The following GRAMD2B variants were observed in gnomAD, a reference collection of about 807,000 sequenced individuals.
The protein encoded by GRAMD2B is GRAM domain-containing protein 2B.
Under a neutral mutation model 59.2 loss-of-function variants are expected in GRAMD2B, and 41 were observed. The ratio of observed to expected loss-of-function variants is 0.69; its 90% CI spans 0.54 to 0.90. The LOEUF (loss-of-function observed/expected upper bound fraction) is 0.90. Among genes scored for constraint, GRAMD2B ranks in the 40% least tolerant of loss-of-function variants. The probability of loss-of-function intolerance (pLI) is 0.00; values close to 1 mark genes in which losing one functional copy is unlikely to be tolerated. For missense variants in GRAMD2B, 424 were observed against 500.5 expected (o/e 0.85, Z 1.46); for synonymous variants, 161 against 182.7 (o/e 0.88, Z 0.96).
At chr5:126,420,348 C>T (rs1223859570), upstream of GRAMD2B, among the ~76,000 whole-genome samples, 2 of 152,066 alleles carry the variant, frequency 1.3e-5, no homozygotes, top group Non-Finnish European at 2.9e-5. Context: ...GTAGAATAGC[C>T]CCAAGAATAA....
chr5:126,482,338 T>G (rs1772033968), intron 8 of GRAMD2B, among the ~76,000 whole-genome samples: 1 of 152,226 alleles, frequency 6.6e-6, no homozygotes, highest in African/African-American at 2.4e-5. Context: ...CTGAATTTTA[T>G]CTCAATTTCT....
intron 13 of GRAMD2B, among the ~76,000 whole-genome samples, chr5:126,489,127 C>T (rs4836266): frequency 0.71 from 108,560 of 152,126 alleles, 39,170 homozygotes; most frequent in East Asian, 0.98. Context: ...GTCTTTTGTT[C>T]TTCCTCCTTG....
chr5:126,397,257 C>T (rs547798589), intron 1 of GRAMD2B, among the ~76,000 whole-genome samples: 2 of 152,200 alleles, frequency 1.3e-5, no homozygotes, highest in East Asian at 1.9e-4. Flanking sequence ...CAGAGTCTGG[C>T]TCTGTCATCC....
rs546741487 is a variant in GRAMD2B, at chr5:126,451,794, G to C, written c.84-13632G>C. ...GGCGGGACCTGGTAGAAGATGATTG[G>C]ATCGCAGCAGTGGATCCTTCACAAA... On this transcript the variant is annotated intron_variant, in intron 1 of 13. Transcript: ENST00000285689. Among the ~76,000 whole-genome samples, 19 of 152,302 alleles carry C rather than the reference G, an allele frequency of 1.2e-4. No individual in the cohort carries two copies. The East Asian group carries it at 2.1e-3, about 17-fold the overall frequency.
At chr5:126,474,892 T>C (rs1770290334) in intron 5 of GRAMD2B, among the ~76,000 whole-genome samples, 1 of 152,224 alleles carries the variant, frequency 6.6e-6, no homozygotes, top group Non-Finnish European at 1.5e-5. Context: ...TAGCAGGCCA[T>C]GGGAATAAGA....
intron 1 of GRAMD2B, among the ~76,000 whole-genome samples, chr5:126,451,202 A>T (rs1400708193): frequency 7.9e-5 from 12 of 152,350 alleles, no homozygotes; most frequent in Admixed American, 5.2e-4. Flanking sequence ...TGAGCTCCAT[A>T]ACTTGATCTT....
chr5:126,439,328 C>CTTTT lies in GRAMD2B; in HGVS notation c.83+15653_83+15656dup, dbSNP rs930960414. 2.1e-3 allele frequency among the ~76,000 whole-genome samples: 253 copies of CTTTT among 122,540 alleles called. 15 individuals carry two copies. The highest frequency in any genetic ancestry group is 7.0e-3 in the African/African-American group (206 of 29,256). 80.4% of individuals were successfully genotyped at this position (122,540 alleles called of 152,430 possible). ...ATTGTTTCTTTGTTTTTTGGTTTTGCTTTTTTTTTTTTTTTTTGGAGACAG... is the reference window on the plus strand; with the variant it reads ...ATTGTTTCTTTGTTTTTTGGTTTTGCTTTTTTTTTTTTTTTTTTTTTGGAGACAG... On this transcript the variant is annotated intron_variant, in intron 1 of 13. Transcript: ENST00000285689.
At chr5:126,483,918 C>A (rs1438311358) in intron 9 of GRAMD2B, among the ~76,000 whole-genome samples, 2 of 152,174 alleles carry the variant, frequency 1.3e-5, no homozygotes, top group Non-Finnish European at 2.9e-5. Flanking sequence ...AACCTCCACC[C>A]CCCGGGTTCA....
intron 1 of GRAMD2B, among the ~76,000 whole-genome samples, chr5:126,409,556 T>C (rs1197380436): frequency 6.6e-6 from 1 of 152,172 alleles, no homozygotes; most frequent in African/African-American, 2.4e-5. Context: ...TCTTGTAAAT[T>C]TGTTTGAGTT....
chr5:126,432,488 TTG>T (rs1489039440), intron 1 of GRAMD2B, among the ~76,000 whole-genome samples: 1 of 152,216 alleles, frequency 6.6e-6, no homozygotes, highest in East Asian at 1.9e-4. Context: ...GAAATGTGTA[TTG>T]TGAGTTGAAT....
chr5:126,371,573 T>C, intron 1 of GRAMD2B: 1 of 1,286,920 alleles, frequency 7.8e-7, no homozygotes, highest in African/African-American at 1.5e-5. Context: ...CTCAGGTGGG[T>C]ACAGCCTGGG....
intron 1 of GRAMD2B, among the ~76,000 whole-genome samples, chr5:126,405,422 G>T (rs766905168): frequency 1.3e-5 from 2 of 151,896 alleles, no homozygotes; most frequent in African/African-American, 4.8e-5. Flanking sequence ...TGCCATTCCT[G>T]AACCTAAGCT....
At chr5:126,478,130 G>A (rs1200062968) in intron 6 of GRAMD2B, among the ~76,000 whole-genome samples, 2 of 111,952 alleles carry the variant, frequency 1.8e-5, no homozygotes, top group East Asian at 6.0e-4. Flanking sequence ...TTTAATAATA[G>A]TCTTAAAGGG....
At chr5:126,434,619 A>G (rs1371772864) in intron 1 of GRAMD2B, among the ~76,000 whole-genome samples, 1 of 151,660 alleles carries the variant, frequency 6.6e-6, no homozygotes, top group Non-Finnish European at 1.5e-5. Flanking sequence ...CCGGGTCCAC[A>G]CCATTCACCT....
At chr5:126,399,296 A>G (rs1404328881) in intron 1 of GRAMD2B, among the ~76,000 whole-genome samples, 1 of 152,134 alleles carries the variant, frequency 6.6e-6, no homozygotes, top group Non-Finnish European at 1.5e-5. Context: ...TTTTGTATAT[A>G]TGATATGGTT....
intron 1 of GRAMD2B, among the ~76,000 whole-genome samples, chr5:126,444,147 C>T (rs1458374149): frequency 6.6e-6 from 1 of 151,982 alleles, no homozygotes; most frequent in Non-Finnish European, 1.5e-5. Flanking sequence ...GAAGATTATT[C>T]CAAGAAAAAA....
chr5:126,487,238 T>C (rs1419761348), intron 12 of GRAMD2B, among the ~76,000 whole-genome samples: 1 of 152,194 alleles, frequency 6.6e-6, no homozygotes. Flanking sequence ...TGCTCGAATA[T>C]GCTAAGATGC....
intron 1 of GRAMD2B, among the ~76,000 whole-genome samples, chr5:126,413,184 G>A (rs1382527934): frequency 1.3e-5 from 2 of 151,792 alleles, no homozygotes; most frequent in African/African-American, 4.8e-5. Flanking sequence ...AGTTTCCCTG[G>A]GGGTGATGTT....
intron 1 of GRAMD2B, among the ~76,000 whole-genome samples, chr5:126,381,319 T>A (rs933601383): frequency 2.0e-5 from 3 of 152,156 alleles, no homozygotes; most frequent in African/African-American, 7.2e-5. Context: ...TTATTGAGGA[T>A]TTTCTCATCT....
Sources: allele counts gnomAD v4.1 joint callset (sites outside exome capture counted in the v4.1 genomes callset), GRCh38; gene constraint gnomAD v4.1.1; transcripts MANE v1.5; gene names NCBI Gene and HGNC (gene_info 2026-07-23, HGNC 2026-07-21).